SVOPL: variants seen among roughly 807,000 people sequenced by gnomAD.
The protein encoded by SVOPL is putative transporter SVOPL.
Under a neutral mutation model 61.0 loss-of-function variants are expected in SVOPL, and 60 were observed. The observed-to-expected ratio is 0.98, with a 90% CI of 0.80 to 1.22. The LOEUF (loss-of-function observed/expected upper bound fraction) is 1.22, where lower values mean the gene tolerates loss of function less well. Ranked by LOEUF, SVOPL falls within the 50% of genes most tolerant of loss-of-function variation. The probability of loss-of-function intolerance (pLI) is 0.00; values close to 1 mark genes in which losing one functional copy is unlikely to be tolerated. For synonymous variants in SVOPL, 279 were observed against 250.0 expected, an observed-to-expected ratio of 1.12 and a Z score of -1.09; for missense variants, 662 against 643.9, an observed-to-expected ratio of 1.03 and a Z score of -0.30.
Position 138,649,241 on chromosome 7 carries a change from C to G in SVOPL, c.535-104G>C, listed in dbSNP as rs1351355224. ...TTAGAAAGATTAAAATTCCTTCTGT[C>G]CCATGTGCTTCACATATCTTCTTTT... On this transcript the variant is annotated intron_variant, in intron 7 of 15. Transcript: ENST00000674285. 3 of 1,384,972 alleles carry G rather than the reference C, an allele frequency of 2.2e-6. No homozygotes were observed. The African/African-American group carries it at 4.4e-5, about 20-fold the overall frequency. 85.8% of individuals were successfully genotyped at this position (1,384,972 alleles called of 1,614,324 possible). A position where few individuals can be genotyped will look rare whatever the true frequency, so the allele number is the denominator to read the frequency against.
intron 3 of SVOPL, among the ~76,000 whole-genome samples, chr7:138,676,104 G>A (rs1241368683): frequency 6.6e-6 from 1 of 152,230 alleles, no homozygotes; most frequent in Non-Finnish European, 1.5e-5. Flanking sequence ...CCAGTGTGCT[G>A]GGATGACAGG....
chr7:138,642,831 C>CAAAAAAAAAAAAAAAAAAAAA (rs749603417), intron 9 of SVOPL, among the ~76,000 whole-genome samples: 35 of 26,836 alleles, frequency 1.3e-3, no homozygotes, highest in East Asian at 0.012. Context: ...CTCCTACCTC[C>CAAAAAAAAAAAAAAAAAAAAA]AAAAAAAAAA....
intron 14 of SVOPL, among the ~76,000 whole-genome samples, chr7:138,599,798 G>T (rs1450577906): frequency 6.7e-6 from 1 of 149,978 alleles, no homozygotes; most frequent in Middle Eastern, 3.4e-3. Flanking sequence ...TGAGACAGGA[G>T]AATTGCTTGA....
chr7:138,662,568 T>C lies in SVOPL; in HGVS notation c.345+506A>G, dbSNP rs7806489. The stretch of plus-strand genomic sequence containing the variant: ...AAAACCAGAGGAAAAAACCTCCCAA[T>C]AGGGCTGCTCTGAAGGGCTAAGGGG... On this transcript the variant is annotated intron_variant, in intron 5 of 15. Coordinates refer to ENST00000674285, the MANE Select transcript of SVOPL (RefSeq NM_001139456.2). The C allele has an allele frequency of 8.6e-4, 851 of 986,116 alleles. 12 individuals carry two copies. In the African/African-American group the frequency reaches 0.013, roughly 15 times the overall value. 61.1% of individuals were successfully genotyped at this position (986,116 alleles called of 1,614,324 possible). A position where few individuals can be genotyped will look rare whatever the true frequency, so the allele number is the denominator to read the frequency against.
intron 7 of SVOPL, among the ~76,000 whole-genome samples, chr7:138,652,672 A>G (rs1025902311): frequency 5.9e-5 from 9 of 151,850 alleles, no homozygotes; most frequent in African/African-American, 2.2e-4. Context: ...CTGGAATGCA[A>G]TGGTGCCATC....
At chr7:138,660,501 A>C in intron 5 of SVOPL, 1 of 985,950 alleles carries the variant, frequency 1.0e-6, no homozygotes, top group Non-Finnish European at 1.2e-6. Context: ...TTATGAGAGA[A>C]AACGAAGTGT....
intron 7 of SVOPL, among the ~76,000 whole-genome samples, chr7:138,654,147 A>T (rs1389094680): frequency 6.6e-6 from 1 of 150,902 alleles, no homozygotes; most frequent in Non-Finnish European, 1.5e-5. Flanking sequence ...AAAAAAAAAA[A>T]GAATCATGGT....
chr7:138,601,657 T>C (rs1443830697), intron 14 of SVOPL, among the ~76,000 whole-genome samples: 1 of 151,806 alleles, frequency 6.6e-6, no homozygotes, highest in Non-Finnish European at 1.5e-5. Flanking sequence ...TTCTAATAAA[T>C]TATTATACTG....
chr7:138,620,253 T>G (rs1227493883), intron 14 of SVOPL, among the ~76,000 whole-genome samples: 1 of 150,182 alleles, frequency 6.7e-6, no homozygotes. Flanking sequence ...CCTGAGTAGC[T>G]GGGACTACAG....
At chr7:138,657,569 A>T (rs1801806662) in intron 6 of SVOPL, among the ~76,000 whole-genome samples, 1 of 152,222 alleles carries the variant, frequency 6.6e-6, no homozygotes, top group East Asian at 1.9e-4. Context: ...TCTGAATATA[A>T]GAATAAATAG....
intron 14 of SVOPL, among the ~76,000 whole-genome samples, chr7:138,612,833 C>T (rs142049821): frequency 4.0e-5 from 6 of 150,886 alleles, no homozygotes; most frequent in East Asian, 2.0e-4. Flanking sequence ...AAATTTTTTA[C>T]GCAGTCAGGT....
intron 14 of SVOPL, chr7:138,596,856 A>G: frequency 6.4e-6 from 7 of 1,099,338 alleles, no homozygotes; most frequent in Non-Finnish European, 7.8e-6. Context: ...CCTTTCTCAT[A>G]CCATTTCAGC....
intron 1 of SVOPL, among the ~76,000 whole-genome samples, chr7:138,692,213 G>A (rs920380362): frequency 3.3e-5 from 5 of 152,154 alleles, no homozygotes; most frequent in Admixed American, 6.6e-5. Flanking sequence ...TTCACGTCAA[G>A]TTTTGCTACA....
intron 1 of SVOPL, among the ~76,000 whole-genome samples, chr7:138,694,655 T>C (rs978454724): frequency 6.6e-6 from 1 of 152,236 alleles, no homozygotes; most frequent in African/African-American, 2.4e-5. Context: ...GAATGCCATA[T>C]AGAAGCTCTT....
chr7:138,685,626 G>A (rs573233507), intron 1 of SVOPL, among the ~76,000 whole-genome samples: 2 of 152,158 alleles, frequency 1.3e-5, no homozygotes, highest in African/African-American at 4.8e-5. Flanking sequence ...ATAGCTGGGT[G>A]TGGTGGCTCA....
chr7:138,651,849 T>C (rs1477227180), intron 7 of SVOPL, among the ~76,000 whole-genome samples: 2 of 152,174 alleles, frequency 1.3e-5, no homozygotes, highest in Non-Finnish European at 2.9e-5. Context: ...ATTTGATCAA[T>C]TAGTAATCCT....
intron 9 of SVOPL, among the ~76,000 whole-genome samples, chr7:138,635,733 A>T (rs1800437543): frequency 6.6e-6 from 1 of 152,084 alleles, no homozygotes; most frequent in South Asian, 2.1e-4. Flanking sequence ...CATGTTAAAG[A>T]TGCTTCTTGC....
At chr7:138,658,912 C>T (rs1193324855) in intron 6 of SVOPL, among the ~76,000 whole-genome samples, 1 of 150,608 alleles carries the variant, frequency 6.6e-6, no homozygotes, top group Non-Finnish European at 1.5e-5. Context: ...CCAACTACCA[C>T]CATCTGAATG....
chr7:138,625,869 C>T lies in SVOPL; in HGVS notation c.1263+100G>A, dbSNP rs577336808. 638 of 1,181,156 alleles carry T rather than the reference C, an allele frequency of 5.4e-4. 4 individuals are homozygous for T. Among genetic ancestry groups the T allele is most frequent in the Middle Eastern group, 2.8e-3 (14 of 5,004 alleles). 73.2% of individuals were successfully genotyped at this position (1,181,156 alleles called of 1,614,324 possible). On this transcript the variant is annotated intron_variant, in intron 13 of 15. Coordinates refer to ENST00000674285, the MANE Select transcript of SVOPL (RefSeq NM_001139456.2). The stretch of plus-strand genomic sequence containing the variant: ...TAACAGATTGTTTTTAGAAAATCAT[C>T]AAAAGTCAACAGAAGCCAGGCATGC...
Sources: gnomAD v4.1 joint callset for allele counts (sites outside exome capture counted in the v4.1 genomes callset) on GRCh38, gnomAD v4.1.1 for gene constraint, MANE v1.5 for transcripts, NCBI Gene and HGNC (gene_info 2026-07-23, HGNC 2026-07-21) for gene names.